MAP3K5: variants seen among roughly 807,000 people sequenced by gnomAD.
MAP3K5 encodes ASK-1.
In MAP3K5, 56 loss-of-function variants were observed where a neutral mutation model predicts 158.7. The observed-to-expected ratio is 0.35, with a 90% confidence interval of 0.28 to 0.44. MAP3K5 has a LOEUF of 0.44. Among genes scored for constraint, MAP3K5 ranks in the 20% least tolerant of loss-of-function variants. The pLI is 1.00. For missense variants in MAP3K5, 1,294 were observed against 1,674.8 expected (o/e 0.77, Z 3.97); for synonymous variants, 579 against 601.7 (o/e 0.96, Z 0.55).
At chr6:136,718,313 G>T (rs1781608387) in intron 2 of MAP3K5, among the ~76,000 whole-genome samples, 1 of 152,100 alleles carries the variant, frequency 6.6e-6, no homozygotes, top group Non-Finnish European at 1.5e-5. Flanking sequence ...GGGTTCAAGA[G>T]ATTCTCATGC....
At position 136,583,750 on chromosome 6, in the gene MAP3K5, A is replaced by C; in HGVS notation, c.3226-10T>G. Reference sequence around the variant, plus strand: ...TCGGTTCTTCAGCCCCCTGTGAATAAAAATCAACAATCCTTACATCAACAT... The same window carrying C: ...TCGGTTCTTCAGCCCCCTGTGAATACAAATCAACAATCCTTACATCAACAT... On this transcript the variant is annotated splice_polypyrimidine_tract_variant and intron_variant, in intron 23 of 29. Coordinates refer to ENST00000359015, the MANE Select transcript of MAP3K5 (RefSeq NM_005923.4). 6.2e-7 allele frequency: 1 copy of C among 1,612,720 alleles called. No individual in the cohort carries two copies. Among genetic ancestry groups the C allele is most frequent in the East Asian group, 2.2e-5 (1 of 44,844 alleles).
intron 5 of MAP3K5, 102 bp from the exon 6 acceptor site, chr6:136,696,159 T>C: frequency 1.6e-6 from 1 of 637,782 alleles, no homozygotes; most frequent in Non-Finnish European, 2.7e-6. Context: ...AAGAAACACA[T>C]TAAAAAGACA....
intron 8 of MAP3K5, 44 bp from the exon 9 acceptor site, chr6:136,659,422 A>C (rs761595396): frequency 1.9e-6 from 3 of 1,570,518 alleles, no homozygotes; most frequent in South Asian, 2.2e-5. Context: ...TGCACCCCAC[A>C]CAGGTAGAAC....
chr6:136,620,104 T>C (rs1186388206), intron 15 of MAP3K5, among the ~76,000 whole-genome samples: 1 of 152,144 alleles, frequency 6.6e-6, no homozygotes, highest in East Asian at 1.9e-4. Flanking sequence ...ACTCTGTCTC[T>C]ATTAAAAACA....
At chr6:136,674,834 T>C (rs1463202541) in intron 7 of MAP3K5, among the ~76,000 whole-genome samples, 2 of 151,926 alleles carry the variant, frequency 1.3e-5, no homozygotes, top group Non-Finnish European at 2.9e-5. Context: ...CATTGGAGCA[T>C]TTCTGATTTC....
intron 1 of MAP3K5, among the ~76,000 whole-genome samples, chr6:136,725,175 G>A (rs912701307): frequency 6.6e-6 from 1 of 152,204 alleles, no homozygotes; most frequent in Non-Finnish European, 1.5e-5. Flanking sequence ...TCATGTACAA[G>A]TCTTTATATA....
intron 2 of MAP3K5, among the ~76,000 whole-genome samples, chr6:136,716,027 C>CAAAAA (rs60678515): frequency 0.034 from 775 of 23,018 alleles, 277 homozygotes; most frequent in Admixed American, 0.046. Flanking sequence ...AAGATCGTCT[C>CAAAAA]AAAAAAAAAA....
intron 25 of MAP3K5, among the ~76,000 whole-genome samples, chr6:136,572,321 C>T (rs950547797): frequency 7.2e-5 from 11 of 152,080 alleles, no homozygotes; most frequent in African/African-American, 1.2e-4. Context: ...TGCAATGGCA[C>T]GATCTTGGCT....
intron 10 of MAP3K5, among the ~76,000 whole-genome samples, chr6:136,652,280 AT>A (rs1432612113): frequency 4.6e-5 from 7 of 152,084 alleles, no homozygotes; most frequent in Non-Finnish European, 7.4e-5. Flanking sequence ...GAAAAAAACA[AT>A]TTTTCTTTAC....
chr6:136,718,333 A>T (rs994203131), intron 2 of MAP3K5, among the ~76,000 whole-genome samples: 1 of 152,054 alleles, frequency 6.6e-6, no homozygotes, highest in Non-Finnish European at 1.5e-5. Context: ...CCTCCCAAGT[A>T]GCTGGGATTA....
At chr6:136,728,212 T>C (rs1782057678) in intron 1 of MAP3K5, among the ~76,000 whole-genome samples, 1 of 152,172 alleles carries the variant, frequency 6.6e-6, no homozygotes, top group African/African-American at 2.4e-5. Flanking sequence ...TGGTAGTCTG[T>C]GGGGTTTTTA....
intron 19 of MAP3K5, among the ~76,000 whole-genome samples, chr6:136,603,446 G>A (rs1013712027): frequency 6.6e-6 from 1 of 151,730 alleles, no homozygotes; most frequent in African/African-American, 2.4e-5. Context: ...CCAAAGTGCT[G>A]GGATTATAGG....
At chr6:136,771,802 T>G (rs764394866) in intron 1 of MAP3K5, among the ~76,000 whole-genome samples, 14 of 152,222 alleles carry the variant, frequency 9.2e-5, no homozygotes, top group Admixed American at 3.9e-4. Flanking sequence ...AGCAGCTCTA[T>G]CTCAACAACC....
chr6:136,588,951 A>G lies in MAP3K5; in HGVS notation c.3225+3222T>C, dbSNP rs12530393. On this transcript the variant is annotated intron_variant, in intron 23 of 29. Coordinates refer to ENST00000359015, the MANE Select transcript of MAP3K5 (RefSeq NM_005923.4). The stretch of plus-strand genomic sequence containing the variant: ...CAAGTCAAGGTTTTTGAGAGTGTGT[A>G]GAAAACACTCATTTCAGCTCTCCTT... Among the ~76,000 whole-genome samples the G allele has an allele frequency of 0.012, 1,893 of 152,340 alleles. 97 individuals carry two copies. In the East Asian group the frequency reaches 0.14, roughly 11 times the overall value.
intron 27 of MAP3K5, among the ~76,000 whole-genome samples, chr6:136,561,943 T>A (rs1306052373): frequency 6.6e-6 from 1 of 152,254 alleles, no homozygotes; most frequent in Non-Finnish European, 1.5e-5. Context: ...ACTTTGTGTT[T>A]TTCATGCAAT....
At chr6:136,595,158 C>T (rs1443667370) in intron 21 of MAP3K5, among the ~76,000 whole-genome samples, 1 of 152,164 alleles carries the variant, frequency 6.6e-6, no homozygotes, top group Non-Finnish European at 1.5e-5. Flanking sequence ...CACTATTTTG[C>T]TCAGGCTGGA....
chr6:136,656,363 A>G lies in MAP3K5; in HGVS notation c.1624T>C (p.Trp542Arg), dbSNP rs765169504. ...GTGGCCTCGACCAGGAAATCCATCC[A>G]AAAGTCCACAAGTTCTTGCTTGGCC... The part of the protein sequence containing the change: ...PVAKQELVDF[W>R]MDFLVEATKT... The change falls in exon 10 of 30, where the codon TGG (tryptophan) becomes CGG (arginine). Residue 542 changes from tryptophan (W) to arginine (R), a missense_variant. By Grantham distance (101) the Trp-to-Arg change is moderately radical. Around this residue, in one of 5 missense-constraint regions of MAP3K5, gnomAD observed 690 missense variants for 870.5 expected, o/e 0.79. Transcript: ENST00000359015. 1 of 1,614,052 alleles carries G rather than the reference A, an allele frequency of 6.2e-7. No homozygotes were observed. Among genetic ancestry groups the G allele is most frequent in the South Asian group, 1.1e-5 (1 of 91,080 alleles).
chr6:136,748,140 T>C (rs1003953785), intron 1 of MAP3K5, among the ~76,000 whole-genome samples: 1 of 152,230 alleles, frequency 6.6e-6, no homozygotes, highest in Non-Finnish European at 1.5e-5. Context: ...CATGTAGGCA[T>C]AGAGTATACA....
At chr6:136,590,729 A>T (rs929991317) in intron 23 of MAP3K5, among the ~76,000 whole-genome samples, 5 of 151,754 alleles carry the variant, frequency 3.3e-5, no homozygotes, top group Non-Finnish European at 7.4e-5. Context: ...TTTAGTAGAG[A>T]TGGGGTTTCA....
Sources: gnomAD v4.1 joint callset for allele counts (sites outside exome capture counted in the v4.1 genomes callset) on GRCh38, gnomAD v4.1.1 for gene constraint, gnomAD v4.1.1 regional missense constraint, MANE v1.5 for transcripts, NCBI Gene and HGNC (gene_info 2026-07-23, HGNC 2026-07-21) for gene names.